Variants in CATSPERG observed in about 807,000 individuals in gnomAD.
CATSPERG encodes cation channel sperm-associated auxiliary subunit gamma.
A neutral mutation model predicts 145.0 loss-of-function variants in CATSPERG; 115 were observed. The ratio of observed to expected loss-of-function variants is 0.79; its 90% CI spans 0.68 to 0.93. The LOEUF (loss-of-function observed/expected upper bound fraction) is 0.93, where lower values mean the gene tolerates loss of function less well. CATSPERG is among the 40% of genes least tolerant of loss of function. CATSPERG has a pLI of 0.00. For missense variants in CATSPERG, 1,296 were observed against 1,490.1 expected (o/e 0.87, Z 2.14); for synonymous variants, 588 against 589.0 (o/e 1.00, Z 0.02).
At chr19:38,357,885 G>A (rs1970273367) in intron 11 of CATSPERG, among the ~76,000 whole-genome samples, 2 of 152,112 alleles carry the variant, frequency 1.3e-5, no homozygotes, top group Non-Finnish European at 2.9e-5. Context: ...CTGGGAGGCA[G>A]AGGTTGCAGT....
chr19:38,338,149 T>TTTTTTG (rs1476035714), intron 3 of CATSPERG, among the ~76,000 whole-genome samples: 8 of 151,386 alleles, frequency 5.3e-5, no homozygotes, highest in Non-Finnish European at 1.2e-4. Context: ...TTCCATGTTT[T>TTTTTTG]TTTTGTTTTG....
Position 38,367,298 on chromosome 19 carries a change from T to G in CATSPERG, c.2756T>G (p.Phe919Cys). The change falls in exon 23 of 29, where the codon TTT becomes TGT. Residue 919 changes from phenylalanine (F) to cysteine (C), a missense_variant. By Grantham distance (205) the Phe-to-Cys change is radical (BLOSUM62 -2). Coordinates refer to ENST00000409235, the MANE Select transcript of CATSPERG (RefSeq NM_021185.5). ...AACGTGAACCCGGAGATGCCCTGCTTTCTCTTCCGGGACAGTGTGTGTCCA... is the reference window on the plus strand; with the variant it reads ...AACGTGAACCCGGAGATGCCCTGCTGTCTCTTCCGGGACAGTGTGTGTCCA... Reference protein sequence around the residue: ...CVNVNPEMPCFLFRDIFYPFF... With the variant: ...CVNVNPEMPCCLFRDIFYPFF... 6.2e-7 allele frequency: 1 copy of G among 1,612,282 alleles called. No individual in the cohort carries two copies. Among genetic ancestry groups the G allele is most frequent in the Admixed American group, 1.7e-5 (1 of 59,986 alleles).
Position 38,362,808 on chromosome 19 carries a change from T to A in CATSPERG, c.2451T>A (p.Ile817=), listed in dbSNP as rs768825186. The change falls in exon 20 of 29, where the codon ATT becomes ATA. Residue 817 remains isoleucine (I), a synonymous_variant. Coordinates refer to ENST00000409235, the MANE Select transcript of CATSPERG (RefSeq NM_021185.5). ...CCTCGGTGAAGCAGGAGGTCCTGAT[T>A]AATCGCAACTCGGTGCTATTTTCGG... The part of the protein sequence containing the change: ...IEASVKQEVL[I]NRNSVLFSIT... The A allele has an allele frequency of 6.2e-7, 1 of 1,613,430 alleles. No individual in the cohort carries two copies. Among genetic ancestry groups the A allele is most frequent in the Non-Finnish European group, 8.5e-7 (1 of 1,179,788 alleles).
At chr19:38,358,658 C>T (rs930559627) in intron 13 of CATSPERG, 97 bp downstream of exon 13, 11 of 1,458,820 alleles carry the variant, frequency 7.5e-6, no homozygotes, top group Non-Finnish European at 1.0e-5. Flanking sequence ...GCAAGTCTCA[C>T]CAAGCCTTCA....
intron 3 of CATSPERG, among the ~76,000 whole-genome samples, chr19:38,338,824 A>G (rs117813065): frequency 0.018 from 2,782 of 152,130 alleles, 47 homozygotes; most frequent in Non-Finnish European, 0.026. Flanking sequence ...AACTGTGATC[A>G]TGCCACTACA....
rs986852142 is a variant in CATSPERG, at chr19:38,337,402, A to G, written c.168A>G (p.Val56=). 1.2e-5 allele frequency: 19 copies of G among 1,551,842 alleles called. No homozygotes were observed. The highest frequency in any genetic ancestry group is 1.5e-5 in the Non-Finnish European group (17 of 1,147,056). ...TTGTCCTGAACGAGTTTAAGAGGGT[A>G]GGCGAGAGTGGTGTGAGCGACAGCT... ...WQVVLNEFKR[V]GESGVSDSFF... is the part of the protein sequence containing the mutation. Residue 56 remains valine (V), a synonymous_variant, in exon 2 of 29, where the codon GTA becomes GTG. Coordinates refer to ENST00000409235, the MANE Select transcript of CATSPERG (RefSeq NM_021185.5).
chr19:38,365,031 A>T (rs1283712410), intron 21 of CATSPERG, 30 bp from the exon 22 acceptor site: 2 of 1,613,790 alleles, frequency 1.2e-6, no homozygotes, highest in Non-Finnish European at 1.7e-6. Flanking sequence ...GCCGGCGGGG[A>T]TCACCATCTT....
chr19:38,344,882 C>CACACACACACACATATATAT (rs1379988844), intron 6 of CATSPERG, among the ~76,000 whole-genome samples: 1 of 53,324 alleles, frequency 1.9e-5, no homozygotes, highest in African/African-American at 5.2e-5. Context: ...CACACACACA[C>CACACACACACACATATATAT]ATATATATAT....
At position 38,358,308 on chromosome 19, in the gene CATSPERG, T is replaced by C. The variant is rs916181370; in HGVS notation, c.1346T>C (p.Ile449Thr). ...GATGACCTGGAACTTCTCTACCACA[T>C]CCCAGAATTCATCCCTGAAGGTAGG... is the stretch of plus-strand genomic sequence containing the variant. ...ASDDLELLYHIPEFIPEARGL... is the reference protein window; with the variant it reads ...ASDDLELLYHTPEFIPEARGL... Residue 449 changes from isoleucine (I) to threonine (T), a missense_variant, in exon 12 of 29, where the codon ATC becomes ACC. Physicochemically the swap from Ile to Thr is moderately conservative, Grantham distance 89. Coordinates refer to ENST00000409235, the MANE Select transcript of CATSPERG (RefSeq NM_021185.5). The C allele has an allele frequency of 1.1e-5, 17 of 1,613,964 alleles. No homozygotes were observed. Among genetic ancestry groups the C allele is most frequent in the African/African-American group, 1.3e-5 (1 of 74,892 alleles).
In CATSPERG at chr19:38,365,099, C is replaced by T; in HGVS notation, c.2595C>T (p.His865=). ...GSSGLCFQET[H]LGPHMQGNLM... The stretch of plus-strand genomic sequence containing the variant: ...CCGGGCTCTGCTTCCAGGAAACACA[C>T]CTGGGGCCCCATATGCAAGTATTGG... The change falls in exon 22 of 29, where the codon CAC becomes CAT. Residue 865 remains histidine, a synonymous_variant. Transcript: ENST00000409235. 1.2e-6 allele frequency: 2 copies of T among 1,613,752 alleles called. No individual in the cohort carries two copies.
intron 17 of CATSPERG, 162 bp downstream of exon 17, chr19:38,362,023 C>T: frequency 2.2e-6 from 2 of 926,418 alleles, no homozygotes; most frequent in South Asian, 3.2e-5. Context: ...TTGAGCAGGA[C>T]TTCCAGGGGA....
chr19:38,359,668 C>G, intron 14 of CATSPERG, 87 bp downstream of exon 14: 1 of 1,502,846 alleles, frequency 6.7e-7, no homozygotes. Flanking sequence ...AGTAAAGGAG[C>G]CAAGGGAAGG....
At chr19:38,341,820 T>C (rs1361310617) in intron 3 of CATSPERG, among the ~76,000 whole-genome samples, 5 of 152,096 alleles carry the variant, frequency 3.3e-5, no homozygotes, top group Non-Finnish European at 7.4e-5. Context: ...GACGATCGCC[T>C]GAACCTAGGA....
chr19:38,352,469 GCA>G (rs1281346229), intron 8 of CATSPERG, 37 bp downstream of exon 8: 7 of 1,546,398 alleles, frequency 4.5e-6, no homozygotes, highest in Non-Finnish European at 5.2e-6. Flanking sequence ...CCTGGGGAGG[GCA>G]CCCTGGTGAA....
intron 11 of CATSPERG, among the ~76,000 whole-genome samples, chr19:38,357,638 G>A (rs1056374788): frequency 2.6e-5 from 4 of 152,018 alleles, no homozygotes; most frequent in South Asian, 2.1e-4. Context: ...GCAATATAGC[G>A]AAACCTCATC....
At chr19:38,367,625 T>C in intron 24 of CATSPERG, 53 bp downstream of exon 24, 4 of 1,611,688 alleles carry the variant, frequency 2.5e-6, no homozygotes, top group Non-Finnish European at 3.4e-6. Context: ...TGGAAGGAGA[T>C]GGGTGCAGGA....
intron 3 of CATSPERG, 97 bp from the exon 4 acceptor site, chr19:38,343,483 G>C: frequency 8.8e-7 from 1 of 1,131,642 alleles, no homozygotes; most frequent in South Asian, 1.6e-5. Context: ...TGCTGCCCCC[G>C]GACAGCCCAG....
rs1261158246 is a variant in CATSPERG, at chr19:38,370,552, G to A, written c.3240G>A (p.Leu1080=). ...TGTCAGCTAGCGTGTTTGTGGGCCT[G>A]GTGATCTTCTACATCGCCTTCTGCC... ...IMVSASVFVG[L]VIFYIAFCLL... The change falls in exon 29 of 29, where the codon CTG becomes CTA. Residue 1080 remains leucine (L), a synonymous_variant. Coordinates refer to ENST00000409235, the MANE Select transcript of CATSPERG (RefSeq NM_021185.5). 2 of 1,614,066 alleles carry A rather than the reference G, an allele frequency of 1.2e-6. No homozygotes were observed. The highest frequency in any genetic ancestry group is 1.7e-6 in the Non-Finnish European group (2 of 1,180,044).
intron 4 of CATSPERG, 77 bp downstream of exon 4, chr19:38,343,801 A>T: frequency 6.7e-7 from 1 of 1,487,052 alleles, no homozygotes; most frequent in South Asian, 1.2e-5. Flanking sequence ...TGGGGCCATG[A>T]TCTGAGGAGG....
Sources: gnomAD v4.1 joint callset for allele counts (sites outside exome capture counted in the v4.1 genomes callset) on GRCh38, gnomAD v4.1.1 for gene constraint, MANE v1.5 for transcripts, NCBI Gene and HGNC (gene_info 2026-07-23, HGNC 2026-07-21) for gene names.